Variants in BCL11A observed in about 807,000 individuals in gnomAD.
The protein encoded by BCL11A is BCL11 transcription factor A, also known as B cell CLL/lymphoma 11A.
In BCL11A, 2 loss-of-function variants were observed where a neutral mutation model predicts 55.9. The observed-to-expected ratio is 0.04, with a 90% CI of 0.01 to 0.11. The LOEUF is 0.11. Ranked by LOEUF, BCL11A falls within the 10% of genes least tolerant of loss-of-function variation. The pLI, the probability that BCL11A is intolerant of heterozygous loss-of-function variation, is 1.00. For synonymous variants in BCL11A, 465 were observed against 473.4 expected (o/e 0.98, Z 0.23); for missense variants, 817 against 1,137.1 (o/e 0.72, Z 4.05).
downstream of BCL11A, among the ~76,000 whole-genome samples, chr2:60,454,460 T>A (rs1420402718): frequency 1.3e-5 from 2 of 151,910 alleles, no homozygotes; most frequent in East Asian, 1.9e-4. Flanking sequence ...TTATGGGAAG[T>A]TGTCTGAAAA....
intron 2 of BCL11A, among the ~76,000 whole-genome samples, chr2:60,524,274 T>C (rs1022497601): frequency 4.6e-5 from 7 of 152,204 alleles, no homozygotes; most frequent in Non-Finnish European, 4.4e-5. Flanking sequence ...GAGAGAACAT[T>C]GGGCTATGAA....
chr2:60,513,419 C>T (rs1668578089), intron 2 of BCL11A, among the ~76,000 whole-genome samples: 1 of 152,176 alleles, frequency 6.6e-6, no homozygotes, highest in African/African-American at 2.4e-5. Flanking sequence ...TGAGGCTGTC[C>T]ACAGCAGAAA....
chr2:60,477,128 G>A (rs1310662466), intron 2 of BCL11A, among the ~76,000 whole-genome samples: 6 of 152,134 alleles, frequency 3.9e-5, no homozygotes, highest in Non-Finnish European at 7.3e-5. Flanking sequence ...AACCACACTT[G>A]CGTTTCTCCC....
At chr2:60,502,731 AT>A (rs1257301352) in intron 2 of BCL11A, among the ~76,000 whole-genome samples, 1 of 152,246 alleles carries the variant, frequency 6.6e-6, no homozygotes, top group Non-Finnish European at 1.5e-5. Context: ...AGAAAAACAA[AT>A]TTACCTCTGA....
intron 2 of BCL11A, among the ~76,000 whole-genome samples, chr2:60,474,614 C>T (rs1035860284): frequency 4.6e-5 from 7 of 152,210 alleles, no homozygotes; most frequent in Non-Finnish European, 7.3e-5. Flanking sequence ...ACTGAGAGGG[C>T]AGCTGCATAA....
intron 2 of BCL11A, among the ~76,000 whole-genome samples, chr2:60,516,991 C>T (rs568557004): frequency 2.6e-5 from 4 of 151,486 alleles, no homozygotes; most frequent in South Asian, 4.1e-4. Flanking sequence ...GAAGAAGTGG[C>T]GGAGAATGGA....
chr2:60,468,028 G>GAT (rs1558620921), intron 3 of BCL11A, among the ~76,000 whole-genome samples: 4 of 144,690 alleles, frequency 2.8e-5, no homozygotes, highest in Admixed American at 6.8e-5. Flanking sequence ...TGGTGGTAGT[G>GAT]GTGGTGATGG....
chr2:60,539,174 T>C (rs1348149866), intron 2 of BCL11A, among the ~76,000 whole-genome samples: 3 of 152,244 alleles, frequency 2.0e-5, no homozygotes, highest in Non-Finnish European at 4.4e-5. Flanking sequence ...AAGCTTGCTG[T>C]GTACAGCTTT....
At chr2:60,520,317 T>C (rs1668921508) in intron 2 of BCL11A, among the ~76,000 whole-genome samples, 1 of 152,214 alleles carries the variant, frequency 6.6e-6, no homozygotes, top group African/African-American at 2.4e-5. Context: ...CATTTCACTT[T>C]TTTTTTCAAG....
intron 2 of BCL11A, among the ~76,000 whole-genome samples, chr2:60,474,818 G>C (rs1207736708): frequency 6.6e-6 from 1 of 152,226 alleles, no homozygotes; most frequent in Non-Finnish European, 1.5e-5. Flanking sequence ...GCTGTGGGCA[G>C]TACAAAGAAA....
In BCL11A at chr2:60,546,285, G is replaced by A; in HGVS notation, c.71C>T (p.Ala24Val). 6.2e-7 allele frequency: 1 copy of A among 1,612,952 alleles called. No individual in the cohort carries two copies. Among genetic ancestry groups the A allele is most frequent in the Non-Finnish European group, 8.5e-7 (1 of 1,179,140 alleles). Reference protein sequence around the residue: ...KREFSPEPLEAILTDDEPDHG... With the variant: ...KREFSPEPLEVILTDDEPDHG... ...GTCTGGTTCATCATCTGTAAGAATG[G>A]CTTCAAGAGGCTCGGCTGTGGTTGG... Residue 24 changes from alanine (A) to valine (V), a missense_variant, in exon 2 of 4, where the codon GCC (alanine) becomes GTC (valine). Coordinates refer to ENST00000642384, the MANE Select transcript of BCL11A (RefSeq NM_022893.4). The surrounding 1 kb of genome is among the most constrained non-coding windows in gnomAD (Gnocchi z 4.1).
At chr2:60,537,326 C>T (rs1426097080) in intron 2 of BCL11A, 4 of 152,084 alleles carry the variant, frequency 2.6e-5, no homozygotes, top group Non-Finnish European at 5.9e-5. Flanking sequence ...GAGAAACTCA[C>T]GAGATTTAAG....
At position 60,532,547 on chromosome 2, in the gene BCL11A, C is replaced by A. The variant is rs532442195; in HGVS notation, c.385+13424G>T. Reference sequence around the variant, plus strand: ...CTGCCTGGTTTACTGATTTACAGAACCTTGGTATGTGAATGGCGAAAAAGA... The same window carrying A: ...CTGCCTGGTTTACTGATTTACAGAAACTTGGTATGTGAATGGCGAAAAAGA... On this transcript the variant is annotated intron_variant, in intron 2 of 3. Coordinates refer to ENST00000642384, the MANE Select transcript of BCL11A (RefSeq NM_022893.4). Among the ~76,000 whole-genome samples the A allele has an allele frequency of 4.6e-4, 70 of 150,980 alleles. 1 individual carries two copies. The highest frequency in any genetic ancestry group is 4.2e-4 in the South Asian group (2 of 4,768).
Position 60,461,347 on chromosome 2 carries a change from G to A in BCL11A, c.1565C>T (p.Ala522Val), listed in dbSNP as rs1676267956. 2 of 1,588,060 alleles carry A rather than the reference G, an allele frequency of 1.3e-6. No homozygotes were observed. The highest frequency in any genetic ancestry group is 1.7e-5 in the Admixed American group (1 of 58,464). The change falls in exon 4 of 4, where the codon GCG becomes GTG. Residue 522 changes from alanine to valine, a missense_variant. Physicochemically the swap from Ala to Val is moderately conservative, Grantham distance 64. Coordinates refer to ENST00000642384, the MANE Select transcript of BCL11A (RefSeq NM_022893.4). Reference protein sequence around the residue: ...DYGFGLSLEAARHHENSSRGA... With the variant: ...DYGFGLSLEAVRHHENSSRGA... Reference sequence around the variant, plus strand: ...CCGCGAGCTGTTCTCGTGGTGGCGCGCCGCCTCCAGGCTCAGCCCGAAGCC... The same window carrying A: ...CCGCGAGCTGTTCTCGTGGTGGCGCACCGCCTCCAGGCTCAGCCCGAAGCC...
intron 2 of BCL11A, among the ~76,000 whole-genome samples, chr2:60,530,521 A>G (rs1669401529): frequency 6.6e-6 from 1 of 151,598 alleles, no homozygotes; most frequent in African/African-American, 2.4e-5. Flanking sequence ...GCCAGGAAAG[A>G]TGATAGAACC....
At chr2:60,551,458 G>A (rs531197291) in intron 1 of BCL11A, among the ~76,000 whole-genome samples, 1 of 152,228 alleles carries the variant, frequency 6.6e-6, no homozygotes, top group African/African-American at 2.4e-5. Context: ...CGTGCTCGGG[G>A]CGCAGGGGGA....
intron 2 of BCL11A, among the ~76,000 whole-genome samples, chr2:60,512,291 G>A (rs956756097): frequency 6.6e-6 from 1 of 152,210 alleles, no homozygotes; most frequent in Non-Finnish European, 1.5e-5. Flanking sequence ...GTGGAACTCA[G>A]AATCATTCAT....
In BCL11A at chr2:60,521,067, GCACACACA is replaced by G. The variant is rs58564312; in HGVS notation, c.385+24896_385+24903del. ...AAAAGGAAGTGTAGCCTAGTGGTCA[GCACACACA>G]CACACACACACACACACACACACAC... On this transcript the variant is annotated intron_variant, in intron 2 of 3. Transcript: ENST00000642384. 2.1e-3 allele frequency among the ~76,000 whole-genome samples: 246 copies of G among 117,772 alleles called. 1 individual carries two copies. The highest frequency in any genetic ancestry group is 5.3e-3 in the East Asian group (15 of 2,822). The allele number at this position is 117,772 out of a possible 152,430, so 77.3% of individuals were successfully genotyped here.
intron 2 of BCL11A, chr2:60,544,088 A>G (rs1383517479): frequency 1.3e-5 from 2 of 152,242 alleles, no homozygotes; most frequent in Non-Finnish European, 2.9e-5. Flanking sequence ...ACAGAGGCAC[A>G]GAATTTTTGA....
Sources: gnomAD v4.1 joint callset for allele counts (sites outside exome capture counted in the v4.1 genomes callset) on GRCh38, gnomAD v4.1.1 for gene constraint, Gnocchi (gnomAD v3.1) non-coding constraint, MANE v1.5 for transcripts, NCBI Gene and HGNC (gene_info 2026-07-23, HGNC 2026-07-21) for gene names.